MCOLN2: variants seen among roughly 807,000 people sequenced by gnomAD.
The protein encoded by MCOLN2 is mucolipin TRP cation channel 2, also known as mucolipin-2.
A neutral mutation model predicts 67.5 loss-of-function variants in MCOLN2; 57 were observed. That is an observed-to-expected ratio of 0.84 (90% confidence interval 0.68 to 1.05). MCOLN2 has a LOEUF of 1.05. Among genes scored for constraint, MCOLN2 ranks in the 50% least tolerant of loss-of-function variants. The pLI is 0.00. For missense variants in MCOLN2, 620 were observed against 678.8 expected, an observed-to-expected ratio of 0.91 and a Z score of 0.96; for synonymous variants, 246 against 233.3, an observed-to-expected ratio of 1.05 and a Z score of -0.50.
intron 1 of MCOLN2, among the ~76,000 whole-genome samples, chr1:84,993,786 A>G (rs6701628): frequency 0.88 from 122,450 of 139,274 alleles, 53,818 homozygotes; most frequent in East Asian, 0.96. Flanking sequence ...GCCCGCCACC[A>G]CGCCCGGCTA....
chr1:84,971,102 G>GTTGTAA (rs1267673523), intron 1 of MCOLN2, among the ~76,000 whole-genome samples: 2 of 152,156 alleles, frequency 1.3e-5, no homozygotes, highest in Non-Finnish European at 2.9e-5. Flanking sequence ...TTACAGAGCA[G>GTTGTAA]TTGTAATACT....
chr1:84,993,792 G>A (rs10873674), intron 1 of MCOLN2, among the ~76,000 whole-genome samples: 68,327 of 146,380 alleles, frequency 0.47, 14,874 homozygotes, highest in Middle Eastern at 0.52. Context: ...CACCACGCCC[G>A]GCTAATTTTT....
At chr1:84,994,178 T>C (rs748548841) in intron 1 of MCOLN2, among the ~76,000 whole-genome samples, 2 of 152,188 alleles carry the variant, frequency 1.3e-5, no homozygotes, top group Non-Finnish European at 2.9e-5. Context: ...TCATCTAGGC[T>C]TTGTTGTTCC....
At chr1:84,985,578 A>C (rs947765021) in intron 1 of MCOLN2, among the ~76,000 whole-genome samples, 2 of 152,178 alleles carry the variant, frequency 1.3e-5, no homozygotes, top group Non-Finnish European at 2.9e-5. Flanking sequence ...CCTGCCCTCC[A>C]CCTGCTCCTC....
chr1:84,975,471 C>T (rs543417280), intron 1 of MCOLN2, among the ~76,000 whole-genome samples: 1 of 152,322 alleles, frequency 6.6e-6, no homozygotes, highest in Non-Finnish European at 1.5e-5. Context: ...CACAGCATTA[C>T]TAGGCTTGGG....
chr1:84,955,005 CAT>C (rs1032188679), intron 4 of MCOLN2, among the ~76,000 whole-genome samples: 1 of 152,180 alleles, frequency 6.6e-6, no homozygotes, highest in African/African-American at 2.4e-5. Context: ...ATAATCCCCA[CAT>C]GTTGTGAGAG....
chr1:84,982,601 G>A (rs1017030718), intron 1 of MCOLN2, among the ~76,000 whole-genome samples: 2 of 152,164 alleles, frequency 1.3e-5, no homozygotes, highest in South Asian at 4.2e-4. Context: ...AAAAATATTT[G>A]GAACTACTTC....
chr1:84,958,641 G>C lies in MCOLN2; in HGVS notation c.299C>G (p.Ala100Gly), dbSNP rs1280436559. The C allele has an allele frequency of 6.2e-7, 1 of 1,610,124 alleles. No homozygotes were observed. Among genetic ancestry groups the C allele is most frequent in the Admixed American group, 1.7e-5 (1 of 58,634 alleles). The change falls in exon 3 of 14, where the codon GCT becomes GGT. Residue 100 changes from alanine to glycine, a missense_variant. By Grantham distance (60) the Ala-to-Gly change is moderately conservative. Coordinates refer to ENST00000370608, the MANE Select transcript of MCOLN2 (RefSeq NM_153259.4). Reference sequence around the variant, plus strand: ...TCCTTTCAAAAACAAGTGCTTAAAAGCAACAGTGTTATCTTCTTTGAAAGC... The same window carrying C: ...TCCTTTCAAAAACAAGTGCTTAAAACCAACAGTGTTATCTTCTTTGAAAGC... ...VVAFKEDNTV[A>G]FKHLFLKGYS...
At chr1:84,933,746 C>T (rs1647282855) in intron 11 of MCOLN2, among the ~76,000 whole-genome samples, 1 of 152,190 alleles carries the variant, frequency 6.6e-6, no homozygotes, top group Non-Finnish European at 1.5e-5. Flanking sequence ...GTTTCAACTG[C>T]AAATAGCTAG....
At chr1:84,934,245 A>C (rs1395592119) in intron 11 of MCOLN2, among the ~76,000 whole-genome samples, 1 of 152,188 alleles carries the variant, frequency 6.6e-6, no homozygotes, top group Non-Finnish European at 1.5e-5. Context: ...CCTTCCCTCC[A>C]AGAACTTGGT....
intron 6 of MCOLN2, among the ~76,000 whole-genome samples, chr1:84,950,865 G>A (rs1648390108): frequency 6.6e-6 from 1 of 152,164 alleles, no homozygotes; most frequent in South Asian, 2.1e-4. Flanking sequence ...TGGCACTCAA[G>A]ATCTCTGTTT....
intron 4 of MCOLN2, among the ~76,000 whole-genome samples, chr1:84,955,110 T>C (rs1017600798): frequency 6.6e-6 from 1 of 152,052 alleles, no homozygotes; most frequent in Non-Finnish European, 1.5e-5. Context: ...ATCTGATGGT[T>C]TTATAGGAGG....
At chr1:84,927,503 T>A (rs1306368814) in intron 13 of MCOLN2, among the ~76,000 whole-genome samples, 2 of 152,240 alleles carry the variant, frequency 1.3e-5, no homozygotes, top group African/African-American at 4.8e-5. Flanking sequence ...ACTTGGTTAA[T>A]GGCAGTGTCC....
intron 2 of MCOLN2, among the ~76,000 whole-genome samples, chr1:84,963,884 G>A (rs1157401850): frequency 2.3e-4 from 35 of 152,246 alleles, no homozygotes; most frequent in Admixed American, 2.3e-3. Flanking sequence ...TAATACAGAT[G>A]GCAATGATAT....
intron 2 of MCOLN2, among the ~76,000 whole-genome samples, chr1:84,962,333 G>T (rs988973968): frequency 5.3e-5 from 8 of 152,138 alleles, no homozygotes; most frequent in Non-Finnish European, 1.0e-4. Context: ...ACTGTTTGAA[G>T]CCACAAGTTC....
intron 1 of MCOLN2, among the ~76,000 whole-genome samples, chr1:84,981,467 A>G (rs2102878794): frequency 6.6e-6 from 1 of 152,362 alleles, no homozygotes; most frequent in African/African-American, 2.4e-5. Context: ...ATGGAGTACT[A>G]TTCAGCCATA....
rs150134873 is a variant in MCOLN2 at position 84,941,307 on chromosome 1, T to C, written c.848-316A>G. On this transcript the variant is annotated intron_variant, in intron 7 of 13. Transcript: ENST00000370608. ...GTCAGGAGATCAAGACCATCCTGGC[T>C]AACACGGTGAAACCCCGTCTGTACT... 4.1e-3 allele frequency among the ~76,000 whole-genome samples: 620 copies of C among 152,142 alleles called. 7 individuals carry two copies. The highest frequency in any genetic ancestry group is 0.013 in the African/African-American group (534 of 41,510).
intron 7 of MCOLN2, among the ~76,000 whole-genome samples, chr1:84,943,891 T>C (rs1324841102): frequency 6.6e-6 from 1 of 152,212 alleles, no homozygotes; most frequent in Non-Finnish European, 1.5e-5. Context: ...GAAAGTTATC[T>C]TGAGGTATCA....
At position 84,938,074 on chromosome 1, in the gene MCOLN2, T is replaced by C. The variant is rs759098469; in HGVS notation, c.1119A>G (p.Thr373=). ...GAAAAATGCTGCAGAGATCATAGTTTGTGAGATTCTAAGGAATGAAAAAAA... is the reference window on the plus strand; with the variant it reads ...GAAAAATGCTGCAGAGATCATAGTTCGTGAGATTCTAAGGAATGAAAAAAA... The part of the protein sequence containing the change: ...LKMEIKAKNL[T]NYDLCSIFLG... Residue 373 remains threonine (T), a synonymous_variant, in exon 10 of 14, where the codon ACA becomes ACG. Coordinates refer to ENST00000370608, the MANE Select transcript of MCOLN2 (RefSeq NM_153259.4). The C allele has an allele frequency of 1.8e-5, 29 of 1,609,914 alleles. No homozygotes were observed. The highest frequency in any genetic ancestry group is 2.5e-5 in the Non-Finnish European group (29 of 1,178,106).
Sources: gnomAD v4.1 joint callset for allele counts (sites outside exome capture counted in the v4.1 genomes callset) on GRCh38, gnomAD v4.1.1 for gene constraint, MANE v1.5 for transcripts, NCBI Gene and HGNC (gene_info 2026-07-23, HGNC 2026-07-21) for gene names.